The following DIAPH2 variants were observed in gnomAD, a reference collection of about 807,000 sequenced individuals.
DIAPH2 encodes the protein diaphanous related formin 2.
In DIAPH2, 35 loss-of-function variants were observed where a neutral mutation model predicts 92.7. That is an observed-to-expected ratio of 0.38 (90% CI 0.29 to 0.50). The LOEUF is 0.50. Among genes scored for constraint, DIAPH2 ranks in the 20% least tolerant of loss-of-function variants. DIAPH2 has a pLI of 0.94. For synonymous variants in DIAPH2, 301 were observed against 280.4 expected (o/e 1.07, Z -0.73); for missense variants, 701 against 819.5 (o/e 0.86, Z 1.77).
chrX:96,982,909 A>T lies in DIAPH2; in HGVS notation c.2050+17702A>T, dbSNP rs906301126. The stretch of plus-strand genomic sequence containing the variant: ...CACAGACTCATCAGAAATTTCTTAG[A>T]TTTGAGGCAGGGTTTTGGGACACAA... On this transcript the variant is annotated intron_variant, in intron 17 of 26. Coordinates refer to ENST00000324765, the MANE Select transcript of DIAPH2 (RefSeq NM_006729.5). Among the ~76,000 whole-genome samples, 4 of 111,408 alleles carry T rather than the reference A, an allele frequency of 3.6e-5. No homozygotes were observed. The Admixed American group carries it at 3.8e-4, about 11-fold the overall frequency.
intron 17 of DIAPH2, among the ~76,000 whole-genome samples, chrX:97,031,350 GA>G (rs1188873722): frequency 7.8e-5 from 7 of 89,381 alleles, no homozygotes; most frequent in Non-Finnish European, 1.3e-4. Context: ...TATGGGGCGG[GA>G]GGGGGGGGGA....
intron 5 of DIAPH2, chrX:96,884,647 G>C (rs2065245940): frequency 8.3e-7 from 1 of 1,207,928 alleles, no homozygotes; most frequent in African/African-American, 1.8e-5. Flanking sequence ...TAGAGAGAAA[G>C]TCAAGCAGGT....
At chrX:97,089,072 C>G (rs1445551741) in intron 19 of DIAPH2, among the ~76,000 whole-genome samples, 1 of 111,616 alleles carries the variant, frequency 9.0e-6, no homozygotes, top group Admixed American at 9.6e-5. Flanking sequence ...GTGACTACTT[C>G]CAGATGAAGA....
At chrX:96,794,314 A>G (rs1245811738) in intron 4 of DIAPH2, among the ~76,000 whole-genome samples, 1 of 111,453 alleles carries the variant, frequency 9.0e-6, no homozygotes, top group African/African-American at 3.3e-5. Context: ...TTCAGACCAT[A>G]GTAGTATTCT....
At chrX:96,724,114 C>T (rs1006128247) in intron 1 of DIAPH2, among the ~76,000 whole-genome samples, 1 of 109,073 alleles carries the variant, frequency 9.2e-6, no homozygotes, top group African/African-American at 3.4e-5. Flanking sequence ...TTAGCAGAGA[C>T]GGGGTTTCAC....
chrX:97,348,606 C>T (rs889110609), intron 24 of DIAPH2, among the ~76,000 whole-genome samples: 3 of 111,676 alleles, frequency 2.7e-5, no homozygotes, highest in African/African-American at 3.3e-5. Context: ...TTTCACGTAG[C>T]GTAAACATTA....
At chrX:97,048,248 C>A in intron 17 of DIAPH2, among the ~76,000 whole-genome samples, 1 of 110,910 alleles carries the variant, frequency 9.0e-6, no homozygotes, top group Admixed American at 9.6e-5. Flanking sequence ...TTCCAATCTC[C>A]ATCTCCATCT....
intron 22 of DIAPH2, among the ~76,000 whole-genome samples, chrX:97,154,307 G>A (rs974995746): frequency 1.8e-5 from 2 of 111,291 alleles, no homozygotes; most frequent in African/African-American, 3.3e-5. Context: ...TTCTACTTCC[G>A]TGTCTCTTGT....
chrX:97,336,119 G>C (rs1213178824), intron 23 of DIAPH2, among the ~76,000 whole-genome samples: 1 of 110,441 alleles, frequency 9.1e-6, no homozygotes, highest in Non-Finnish European at 1.9e-5. Flanking sequence ...GTTTTAGTGC[G>C]TCATCTTTCA....
At chrX:96,703,881 A>G (rs998736543) in intron 1 of DIAPH2, among the ~76,000 whole-genome samples, 16 of 111,903 alleles carry the variant, frequency 1.4e-4, no homozygotes, top group African/African-American at 4.5e-4. Context: ...ACTTAAGATA[A>G]TTCACTTAAA....
intron 17 of DIAPH2, among the ~76,000 whole-genome samples, chrX:97,054,453 A>G (rs1244489747): frequency 9.0e-6 from 1 of 111,731 alleles, no homozygotes; most frequent in Non-Finnish European, 1.9e-5. Flanking sequence ...TGCTACATCC[A>G]AGATAGGGAG....
At chrX:97,404,443 C>T (rs1460225964) in intron 25 of DIAPH2, among the ~76,000 whole-genome samples, 1 of 111,259 alleles carries the variant, frequency 9.0e-6, no homozygotes, top group Non-Finnish European at 1.9e-5. Flanking sequence ...ATAGACAGAC[C>T]TGAGTTAATG....
At chrX:97,510,538 C>A (rs1300005656) in intron 26 of DIAPH2, among the ~76,000 whole-genome samples, 3 of 106,804 alleles carry the variant, frequency 2.8e-5, no homozygotes, top group Non-Finnish European at 5.8e-5. Context: ...TCAATTTTGG[C>A]TTTTGTTGCC....
chrX:96,925,648 G>C (rs1053317839), intron 9 of DIAPH2, among the ~76,000 whole-genome samples: 1 of 111,590 alleles, frequency 9.0e-6, no homozygotes, highest in Non-Finnish European at 1.9e-5. Flanking sequence ...TTAAAGTCCA[G>C]CATTGGCTTC....
At chrX:97,338,541 A>G (rs1051790723) in intron 23 of DIAPH2, among the ~76,000 whole-genome samples, 3 of 112,013 alleles carry the variant, frequency 2.7e-5, no homozygotes, top group Non-Finnish European at 5.6e-5. Flanking sequence ...CTTTTATTTA[A>G]ATGGGTAATT....
intron 17 of DIAPH2, among the ~76,000 whole-genome samples, chrX:96,997,993 T>G (rs1316873400): frequency 8.9e-6 from 1 of 112,308 alleles, no homozygotes; most frequent in Non-Finnish European, 1.9e-5. Context: ...ATGCTTTTGT[T>G]ACAAATGCCA....
intron 19 of DIAPH2, among the ~76,000 whole-genome samples, chrX:97,081,331 A>G (rs771308874): frequency 6.4e-4 from 71 of 111,155 alleles, no homozygotes; most frequent in Non-Finnish European, 4.5e-4. Flanking sequence ...TATTATTATA[A>G]TTACACATAT....
intron 4 of DIAPH2, among the ~76,000 whole-genome samples, chrX:96,860,951 T>A (rs2065069351): frequency 8.9e-6 from 1 of 111,783 alleles, no homozygotes; most frequent in Non-Finnish European, 1.9e-5. Flanking sequence ...CCCCGGACTT[T>A]ATGGGGTAAA....
At chrX:97,029,586 A>C (rs959763032) in intron 17 of DIAPH2, among the ~76,000 whole-genome samples, 1 of 110,852 alleles carries the variant, frequency 9.0e-6, no homozygotes, top group Non-Finnish European at 1.9e-5. Context: ...TATTTAAAAA[A>C]CTGTTGCCTA....
Sources: allele counts gnomAD v4.1 joint callset (sites outside exome capture counted in the v4.1 genomes callset), GRCh38; gene constraint gnomAD v4.1.1; transcripts MANE v1.5; gene names NCBI Gene and HGNC (gene_info 2026-07-23, HGNC 2026-07-21).